The following EYA2 variants were observed in gnomAD, a reference collection of about 807,000 sequenced individuals.
EYA2 encodes protein phosphatase EYA2.
A neutral mutation model predicts 69.2 loss-of-function variants in EYA2; 31 were observed. The observed-to-expected ratio is 0.45, with a 90% CI of 0.34 to 0.60. EYA2 has a LOEUF of 0.60. EYA2 is among the 20% of genes least tolerant of loss of function. The pLI is 0.02. For synonymous variants in EYA2, 257 were observed against 279.4 expected (o/e 0.92, Z 0.80); for missense variants, 622 against 701.2 (o/e 0.89, Z 1.28).
chr20:47,102,018 T>C (rs1397308342), intron 9 of EYA2, among the ~76,000 whole-genome samples: 1 of 152,160 alleles, frequency 6.6e-6, no homozygotes, highest in Non-Finnish European at 1.5e-5. Flanking sequence ...GCAAAGAAAA[T>C]TTATTGAAGC....
chr20:47,137,706 C>T (rs1406864679), intron 9 of EYA2, among the ~76,000 whole-genome samples: 1 of 152,148 alleles, frequency 6.6e-6, no homozygotes, highest in Non-Finnish European at 1.5e-5. Flanking sequence ...AGATGTATTT[C>T]ACATAAATTA....
At chr20:46,966,119 C>G (rs1979764595) in intron 1 of EYA2, among the ~76,000 whole-genome samples, 1 of 152,306 alleles carries the variant, frequency 6.6e-6, no homozygotes, top group East Asian at 1.9e-4. Flanking sequence ...ACGAGGCAAC[C>G]TCTTACAGTC....
At chr20:47,156,177 T>C (rs2033945438) in intron 10 of EYA2, among the ~76,000 whole-genome samples, 5 of 85,452 alleles carry the variant, frequency 5.9e-5, no homozygotes, top group Admixed American at 4.1e-4. Context: ...TATATATATA[T>C]ATATATATTA....
intron 4 of EYA2, 91 bp downstream of exon 4, chr20:47,005,175 T>C: frequency 7.0e-7 from 1 of 1,434,444 alleles, no homozygotes; most frequent in Non-Finnish European, 9.5e-7. Flanking sequence ...TGTGGATTAA[T>C]AGACACAACC....
At chr20:46,929,842 T>A (rs539782121) in intron 1 of EYA2, among the ~76,000 whole-genome samples, 3 of 150,890 alleles carry the variant, frequency 2.0e-5, no homozygotes, top group Non-Finnish European at 2.9e-5. Flanking sequence ...AAAAAAAAAA[T>A]TGAGTAGTGA....
intron 15 of EYA2, among the ~76,000 whole-genome samples, chr20:47,186,479 C>A (rs373409519): frequency 8.6e-4 from 131 of 151,448 alleles, no homozygotes; most frequent in African/African-American, 3.2e-3. Flanking sequence ...CCTGCCCCAG[C>A]CTCCCAAGTA....
At chr20:46,950,118 C>A (rs762990951) in intron 1 of EYA2, among the ~76,000 whole-genome samples, 3 of 152,194 alleles carry the variant, frequency 2.0e-5, no homozygotes, top group Non-Finnish European at 2.9e-5. Context: ...AGCCATCAAT[C>A]CAGGCTCGTT....
intron 6 of EYA2, among the ~76,000 whole-genome samples, chr20:47,073,926 G>A (rs928715908): frequency 2.0e-5 from 3 of 152,074 alleles, no homozygotes; most frequent in Admixed American, 6.5e-5. Flanking sequence ...CTGCTCTCCC[G>A]CATCTCTCTC....
rs1555834626 is a variant in EYA2 at position 47,172,705 on chromosome 20, A to G, written c.1038-2A>G. The G allele has an allele frequency of 3.1e-6, 5 of 1,609,444 alleles. No individual in the cohort carries two copies. Among genetic ancestry groups the G allele is most frequent in the Non-Finnish European group, 4.2e-6 (5 of 1,177,890 alleles). On this transcript the variant is annotated splice_acceptor_variant, in intron 11 of 15. Transcript: ENST00000327619. LOFTEE classifies it high-confidence loss of function. The stretch of plus-strand genomic sequence containing the variant: ...ACTGTCCCTCCCCTCCTCTCTCCGC[A>G]GCACATACAACTTCTCCGCTGACGG...
intron 2 of EYA2, among the ~76,000 whole-genome samples, chr20:46,996,059 CAACA>C (rs1181221357): frequency 2.0e-5 from 3 of 152,188 alleles, no homozygotes; most frequent in Non-Finnish European, 4.4e-5. Flanking sequence ...GAAAGAACAT[CAACA>C]AATTATGAGA....
intron 7 of EYA2, among the ~76,000 whole-genome samples, chr20:47,087,488 G>C (rs1187235388): frequency 6.6e-6 from 1 of 152,230 alleles, no homozygotes; most frequent in Non-Finnish European, 1.5e-5. Flanking sequence ...CTCATTTGCA[G>C]ACTCACATGG....
intron 4 of EYA2, among the ~76,000 whole-genome samples, chr20:47,007,965 T>C (rs1252244098): frequency 6.6e-6 from 1 of 152,060 alleles, no homozygotes; most frequent in Non-Finnish European, 1.5e-5. Flanking sequence ...GTGGTGAGGC[T>C]GGCTCAGAGG....
chr20:47,094,222 C>G (rs1229371434), intron 8 of EYA2, among the ~76,000 whole-genome samples: 1 of 152,150 alleles, frequency 6.6e-6, no homozygotes, highest in Admixed American at 6.5e-5. Context: ...AAAATATTTG[C>G]TGATTTTTAA....
chr20:47,099,421 C>T (rs1237827764), intron 9 of EYA2, among the ~76,000 whole-genome samples: 8 of 152,208 alleles, frequency 5.3e-5, no homozygotes, highest in Non-Finnish European at 2.9e-5. Flanking sequence ...GTCCCAGCTA[C>T]TCAGGAAGCT....
At chr20:47,025,288 G>A (rs949471091) in intron 5 of EYA2, among the ~76,000 whole-genome samples, 1 of 152,232 alleles carries the variant, frequency 6.6e-6, no homozygotes, top group Non-Finnish European at 1.5e-5. Context: ...GCAGTCAGCT[G>A]TAACCCTACT....
At chr20:46,944,901 T>C (rs1978362358) in intron 1 of EYA2, among the ~76,000 whole-genome samples, 1 of 152,118 alleles carries the variant, frequency 6.6e-6, no homozygotes, top group Non-Finnish European at 1.5e-5. Context: ...CCCAGTAGTT[T>C]GAGACCAGCC....
intron 9 of EYA2, among the ~76,000 whole-genome samples, chr20:47,112,441 AAAATT>A (rs1293321374): frequency 3.9e-5 from 6 of 152,200 alleles, no homozygotes; most frequent in African/African-American, 1.2e-4. Flanking sequence ...GCATTTGACA[AAAATT>A]AAAACTATTA....
chr20:46,926,655 TG>T (rs1985427592), intron 1 of EYA2, among the ~76,000 whole-genome samples: 1 of 152,246 alleles, frequency 6.6e-6, no homozygotes, highest in Non-Finnish European at 1.5e-5. Context: ...ATGTTTCATC[TG>T]GGCACCCTGT....
intron 5 of EYA2, among the ~76,000 whole-genome samples, chr20:47,034,458 G>A (rs1984588319): frequency 6.6e-6 from 1 of 152,180 alleles, no homozygotes; most frequent in African/African-American, 2.4e-5. Context: ...TCTGGATGCA[G>A]GAATCTTGTT....
Sources: allele counts gnomAD v4.1 joint callset (sites outside exome capture counted in the v4.1 genomes callset), GRCh38; gene constraint gnomAD v4.1.1; transcripts MANE v1.5; gene names NCBI Gene and HGNC (gene_info 2026-07-23, HGNC 2026-07-21).